FBN1: variants seen among roughly 807,000 people sequenced by gnomAD.
FBN1 encodes the protein fibrillin 1.
Under a neutral mutation model 365.1 loss-of-function variants are expected in FBN1, and 29 were observed. That is an observed-to-expected ratio of 0.08 (90% CI 0.06 to 0.11). The LOEUF is 0.11. Among genes scored for constraint, FBN1 ranks in the 10% least tolerant of loss-of-function variants. The pLI is 1.00. For synonymous variants in FBN1, 1,210 were observed against 1,270.5 expected (o/e 0.95, Z 1.01); for missense variants, 2,476 against 3,703.2 (o/e 0.67, Z 8.60).
intron 4 of FBN1, among the ~76,000 whole-genome samples, chr15:48,609,755 C>T (rs2044642821): frequency 2.0e-5 from 3 of 152,170 alleles, no homozygotes; most frequent in South Asian, 2.1e-4. Flanking sequence ...AGGAAGAGTC[C>T]CCCGTGTTCA....
chr15:48,421,451 GC>G, intron 62 of FBN1, 106 bp downstream of exon 62: 1 of 1,378,164 alleles, frequency 7.3e-7, no homozygotes, highest in Non-Finnish European at 1.0e-6. Context: ...GCCCCCCTGG[GC>G]TCAGATCTGC....
At chr15:48,513,488 T>C (rs2043776775) in intron 13 of FBN1, 61 bp downstream of exon 13, 1 of 1,612,916 alleles carries the variant, frequency 6.2e-7, no homozygotes, top group Non-Finnish European at 8.5e-7. Context: ...GGAACTCCTT[T>C]GAAGCCAACC....
At chr15:48,435,324 T>TAAAA (rs36029488) in intron 53 of FBN1, among the ~76,000 whole-genome samples, 1 of 143,242 alleles carries the variant, frequency 7.0e-6, no homozygotes, top group African/African-American at 2.6e-5. Flanking sequence ...CTCTAAGGGT[T>TAAAA]AAAAAAAAAA....
chr15:48,514,694 A>G (rs2043787070), intron 12 of FBN1, among the ~76,000 whole-genome samples: 3 of 152,182 alleles, frequency 2.0e-5, no homozygotes, highest in Non-Finnish European at 2.9e-5. Context: ...TTAGACTAGT[A>G]TAATGTGCAA....
chr15:48,515,996 T>C (rs1326329728), intron 11 of FBN1, among the ~76,000 whole-genome samples, 187 bp downstream of exon 11: 1 of 152,180 alleles, frequency 6.6e-6, no homozygotes, highest in African/African-American at 2.4e-5. Flanking sequence ...AAGCCTCCCG[T>C]TTTTCTCTAT....
chr15:48,502,819 G>A (rs2043672546), intron 17 of FBN1, among the ~76,000 whole-genome samples: 1 of 152,130 alleles, frequency 6.6e-6, no homozygotes, highest in African/African-American at 2.4e-5. Flanking sequence ...CTTTTGAAAA[G>A]TAGGTGAGGA....
chr15:48,556,540 C>G (rs2044182201), intron 6 of FBN1, among the ~76,000 whole-genome samples: 1 of 152,212 alleles, frequency 6.6e-6, no homozygotes, highest in African/African-American at 2.4e-5. Context: ...AAATTCCAGG[C>G]ATCTGAAATG....
In FBN1 at chr15:48,589,329, A is replaced by C. The variant is rs558985189; in HGVS notation, c.538+6954T>G. On this transcript the variant is annotated intron_variant, in intron 6 of 65. Coordinates refer to ENST00000316623, the MANE Select transcript of FBN1 (RefSeq NM_000138.5). ...CCGAGAGGGACAGTGAGTGGGAGAC[A>C]AAAATCAAGCTTCTTTCTGGTTGCA... is the stretch of plus-strand genomic sequence containing the variant. Among the ~76,000 whole-genome samples the C allele has an allele frequency of 3.3e-5, 5 of 152,284 alleles. No individual in the cohort carries two copies. The South Asian group carries it at 1.0e-3, about 32-fold the overall frequency.
At chr15:48,532,079 T>C (rs370560393) in intron 8 of FBN1, among the ~76,000 whole-genome samples, 1 of 152,324 alleles carries the variant, frequency 6.6e-6, no homozygotes. Flanking sequence ...TTAGCATCAA[T>C]AAAAAGATTC....
At chr15:48,484,038 C>T in intron 30 of FBN1, 95 bp from the exon 31 acceptor site, 1 of 1,268,468 alleles carries the variant, frequency 7.9e-7, no homozygotes, top group Admixed American at 1.7e-5. Flanking sequence ...TAAACTTAGC[C>T]TACTAGCATA....
intron 15 of FBN1, among the ~76,000 whole-genome samples, chr15:48,506,901 A>G (rs1207619082): frequency 6.6e-6 from 1 of 152,022 alleles, no homozygotes; most frequent in African/African-American, 2.4e-5. Flanking sequence ...GACATTGATA[A>G]TAATACAGAG....
At chr15:48,444,737 C>G (rs1281996863) in intron 48 of FBN1, 77 bp from the exon 49 acceptor site, 2 of 1,503,078 alleles carry the variant, frequency 1.3e-6, no homozygotes, top group Non-Finnish European at 9.2e-7. Context: ...TTCAAAAAAA[C>G]TAGAATGAAT....
chr15:48,425,224 T>C (rs2042969943), intron 60 of FBN1, 145 bp downstream of exon 60: 1 of 1,059,036 alleles, frequency 9.4e-7, no homozygotes, highest in Admixed American at 1.7e-5. Context: ...GCACAGGAGG[T>C]AGGTCCCATG....
At chr15:48,600,780 T>C (rs555307834) in intron 4 of FBN1, among the ~76,000 whole-genome samples, 2 of 152,314 alleles carry the variant, frequency 1.3e-5, no homozygotes, top group Non-Finnish European at 2.9e-5. Context: ...ACTTCTTTAA[T>C]TTAACAGAAA....
At chr15:48,528,625 G>GAGTGTGGGC (rs1219126688) in intron 8 of FBN1, among the ~76,000 whole-genome samples, 1 of 152,192 alleles carries the variant, frequency 6.6e-6, no homozygotes, top group African/African-American at 2.4e-5. Flanking sequence ...TGGGTGTGGG[G>GAGTGTGGGC]AGTTTCCACC....
intron 4 of FBN1, among the ~76,000 whole-genome samples, chr15:48,604,633 T>C (rs1678979): frequency 0.21 from 32,454 of 152,058 alleles, 3,629 homozygotes; most frequent in Middle Eastern, 0.25. Context: ...GGTGCTTCCA[T>C]AAAGGGTGGA....
chr15:48,576,476 C>T (rs571771021), intron 6 of FBN1, among the ~76,000 whole-genome samples: 15 of 152,246 alleles, frequency 9.9e-5, no homozygotes, highest in African/African-American at 2.6e-4. Flanking sequence ...ATGGGTTGAT[C>T]CCAACAGACC....
At chr15:48,511,600 T>A (rs1024965291) in intron 13 of FBN1, among the ~76,000 whole-genome samples, 5 of 152,224 alleles carry the variant, frequency 3.3e-5, no homozygotes, top group African/African-American at 1.2e-4. Flanking sequence ...TTTCTGCCCA[T>A]CCTTCTATCC....
At chr15:48,513,469 A>C in intron 13 of FBN1, 80 bp downstream of exon 13, 1 of 1,604,000 alleles carries the variant, frequency 6.2e-7, no homozygotes, top group Non-Finnish European at 8.5e-7. Context: ...TGGGTTATTT[A>C]AACTCCATGG....
Sources: allele counts gnomAD v4.1 joint callset (sites outside exome capture counted in the v4.1 genomes callset), GRCh38; gene constraint gnomAD v4.1.1; transcripts MANE v1.5; gene names NCBI Gene and HGNC (gene_info 2026-07-23, HGNC 2026-07-21).